The following CNST variants were observed in gnomAD, a reference collection of about 807,000 sequenced individuals.
The protein encoded by CNST is consortin, connexin sorting protein.
A neutral mutation model predicts 72.4 loss-of-function variants in CNST; 39 were observed. The ratio of observed to expected loss-of-function variants is 0.54; its 90% CI spans 0.42 to 0.70. The LOEUF (loss-of-function observed/expected upper bound fraction) is 0.70, where lower values mean the gene tolerates loss of function less well. CNST is among the 30% of genes least tolerant of loss of function. The pLI, the probability that CNST is intolerant of heterozygous loss-of-function variation, is 0.00. For missense variants in CNST, 871 were observed against 868.5 expected (o/e 1.00, Z -0.04); for synonymous variants, 332 against 320.1 (o/e 1.04, Z -0.40).
intron 3 of CNST, among the ~76,000 whole-genome samples, chr1:246,625,718 C>A (rs991175489): frequency 2.6e-5 from 4 of 152,076 alleles, no homozygotes; most frequent in African/African-American, 9.7e-5. Flanking sequence ...CTGCGCCCGG[C>A]CTAATTATTT....
chr1:246,634,541 G>C lies in CNST; in HGVS notation c.772G>C (p.Gly258Arg). 1 of 1,609,046 alleles carries C rather than the reference G, an allele frequency of 6.2e-7. No homozygotes were observed. Among genetic ancestry groups the C allele is most frequent in the Non-Finnish European group, 8.5e-7 (1 of 1,179,014 alleles). The change falls in exon 6 of 11, where the codon GGT becomes CGT. Residue 258 changes from glycine (G) to arginine (R), a missense_variant. Gly to Arg is a moderately radical substitution (Grantham distance 125, BLOSUM62 -2). Transcript: ENST00000366513. Reference protein sequence around the residue: ...ALRNSEKGFNGEDFERLTKIC... With the variant: ...ALRNSEKGFNREDFERLTKIC... ...AAGGAATTCAGAAAAGGGATTTAAT[G>C]GTGAAGATTTTGAACGGCTTACGAA...
intron 9 of CNST, among the ~76,000 whole-genome samples, chr1:246,649,060 TTAGA>T (rs1358068433): frequency 6.6e-6 from 1 of 152,186 alleles, no homozygotes; most frequent in Non-Finnish European, 1.5e-5. Context: ...CTTGCCAAAA[TTAGA>T]TAGAATAGTA....
chr1:246,567,161 C>T (rs191876221), intron 1 of CNST, among the ~76,000 whole-genome samples: 1 of 152,032 alleles, frequency 6.6e-6, no homozygotes, highest in East Asian at 1.9e-4. Flanking sequence ...GTTTAAAAGA[C>T]TTAAAGTTAA....
At chr1:246,626,523 T>A (rs895681619) in intron 3 of CNST, among the ~76,000 whole-genome samples, 4 of 129,128 alleles carry the variant, frequency 3.1e-5, no homozygotes, top group African/African-American at 1.2e-4. Context: ...AGTGGCACAA[T>A]CTTGGCTCAC....
chr1:246,585,814 A>T (rs1243577476), intron 1 of CNST, among the ~76,000 whole-genome samples: 1 of 151,288 alleles, frequency 6.6e-6, no homozygotes, highest in Non-Finnish European at 1.5e-5. Context: ...GCGTGGTGGC[A>T]TACATCTGTA....
rs148030749 is a variant in CNST, at chr1:246,647,670, C to G, written c.1469C>G (p.Thr490Arg). Residue 490 changes from threonine (T) to arginine (R), a missense_variant, in exon 9 of 11, where the codon ACA becomes AGA. Physicochemically the swap from Thr to Arg is moderately conservative, Grantham distance 71. Coordinates refer to ENST00000366513, the MANE Select transcript of CNST (RefSeq NM_152609.3). ...ELNELQQPDL[T>R]DSDGKSPQAQ... The stretch of plus-strand genomic sequence containing the variant: ...AATGAGCTGCAGCAGCCTGATCTTA[C>G]AGACAGTGATGGAAAATCACCACAG... 1.9e-6 allele frequency: 3 copies of G among 1,614,198 alleles called. No homozygotes were observed. Among genetic ancestry groups the G allele is most frequent in the Admixed American group, 3.3e-5 (2 of 60,032 alleles).
chr1:246,567,091 GTGTCTCCC>G (rs1558519471), intron 1 of CNST, among the ~76,000 whole-genome samples: 1 of 149,972 alleles, frequency 6.7e-6, no homozygotes. Context: ...GAACCGCGTG[GTGTCTCCC>G]TTCCATTCCT....
At chr1:246,624,274 G>A (rs1664276381) in intron 3 of CNST, among the ~76,000 whole-genome samples, 2 of 152,202 alleles carry the variant, frequency 1.3e-5, no homozygotes, top group Non-Finnish European at 2.9e-5. Context: ...CATTTGAACA[G>A]TGGATTGCAC....
chr1:246,613,754 C>T (rs1011422052), intron 2 of CNST, among the ~76,000 whole-genome samples: 6 of 137,576 alleles, frequency 4.4e-5, no homozygotes, highest in Non-Finnish European at 6.2e-5. Flanking sequence ...AGTGCAGTAG[C>T]CTGATCTCGG....
rs556393105 is a variant in CNST, at chr1:246,579,774, TCA to T, written c.-51-11733_-51-11732del. 3.9e-3 allele frequency among the ~76,000 whole-genome samples: 590 copies of T among 152,062 alleles called. 3 individuals carry two copies. Among genetic ancestry groups the T allele is most frequent in the African/African-American group, 0.014 (566 of 41,488 alleles). On this transcript the variant is annotated intron_variant, in intron 1 of 10. Coordinates refer to ENST00000366513, the MANE Select transcript of CNST (RefSeq NM_152609.3). ...TGTCTCAAATAAATAAAAATAAAAATCACACAGAGTCCTCAGCAGAGTAAATA... is the reference window on the plus strand; with the variant it reads ...TGTCTCAAATAAATAAAAATAAAAATCACAGAGTCCTCAGCAGAGTAAATA...
chr1:246,631,492 T>G (rs1475394041), intron 3 of CNST, among the ~76,000 whole-genome samples: 1 of 152,268 alleles, frequency 6.6e-6, no homozygotes. Context: ...TATTTATGTT[T>G]GCTTCACAGC....
chr1:246,637,501 G>A (rs567201172), intron 6 of CNST, among the ~76,000 whole-genome samples: 3 of 152,316 alleles, frequency 2.0e-5, no homozygotes, highest in South Asian at 2.1e-4. Context: ...ACAAAAGTTC[G>A]TCCATACATG....
At chr1:246,644,874 T>C (rs1370492601) in intron 8 of CNST, among the ~76,000 whole-genome samples, 2 of 152,212 alleles carry the variant, frequency 1.3e-5, no homozygotes. Flanking sequence ...GATGTGGCCC[T>C]CATTGCTCTA....
At chr1:246,630,790 G>A (rs1369282226) in intron 3 of CNST, among the ~76,000 whole-genome samples, 1 of 152,098 alleles carries the variant, frequency 6.6e-6, no homozygotes, top group Non-Finnish European at 1.5e-5. Flanking sequence ...TTGTTGCCCA[G>A]GCTGGAGTGC....
At chr1:246,591,439 G>A in intron 1 of CNST, 73 bp from the exon 2 acceptor site, 1 of 1,067,406 alleles carries the variant, frequency 9.4e-7, no homozygotes, top group Non-Finnish European at 1.4e-6. Context: ...CTAAGAGAAG[G>A]GGAAAATCAA....
chr1:246,591,454 C>T (rs572420798), intron 1 of CNST, 58 bp from the exon 2 acceptor site: 3 of 1,184,788 alleles, frequency 2.5e-6, no homozygotes, highest in African/African-American at 3.1e-5. Context: ...AATCAAAGAT[C>T]ACTGAGAATC....
At chr1:246,645,662 C>T (rs192232006) in intron 8 of CNST, among the ~76,000 whole-genome samples, 1 of 151,998 alleles carries the variant, frequency 6.6e-6, no homozygotes, top group Non-Finnish European at 1.5e-5. Flanking sequence ...CTCCTGACCT[C>T]GTGATCCATC....
intron 2 of CNST, among the ~76,000 whole-genome samples, chr1:246,616,108 C>T (rs1663672433): frequency 6.6e-6 from 1 of 152,066 alleles, no homozygotes; most frequent in South Asian, 2.1e-4. Context: ...ACTTTTTGTT[C>T]TTGTCTAGCT....
chr1:246,605,908 C>T (rs1572163511), intron 2 of CNST: 1 of 151,938 alleles, frequency 6.6e-6, no homozygotes, highest in East Asian at 2.0e-4. Flanking sequence ...GCTGCTGGTG[C>T]AAGCGGCCTT....
Sources: allele counts gnomAD v4.1 joint callset (sites outside exome capture counted in the v4.1 genomes callset), GRCh38; gene constraint gnomAD v4.1.1; transcripts MANE v1.5; gene names NCBI Gene and HGNC (gene_info 2026-07-23, HGNC 2026-07-21).